ZFYVE28: variants seen among roughly 807,000 people sequenced by gnomAD.
ZFYVE28 encodes the protein zinc finger FYVE-type containing 28, also known as lateral signaling target protein 2 homolog.
A neutral mutation model predicts 82.1 loss-of-function variants in ZFYVE28; 40 were observed. That is an observed-to-expected ratio of 0.49 (90% CI 0.38 to 0.63). The LOEUF (loss-of-function observed/expected upper bound fraction) is 0.63. Ranked by LOEUF, ZFYVE28 falls within the 30% of genes least tolerant of loss-of-function variation. ZFYVE28 has a pLI of 0.00. For synonymous variants in ZFYVE28, 612 were observed against 546.1 expected (o/e 1.12, Z -1.68); for missense variants, 1,321 against 1,242.1 (o/e 1.06, Z -0.96).
chr4:2,373,160 T>G (rs1054573223), intron 1 of ZFYVE28, among the ~76,000 whole-genome samples: 1 of 152,200 alleles, frequency 6.6e-6, no homozygotes, highest in Non-Finnish European at 1.5e-5. Flanking sequence ...CCATGTCTGA[T>G]AGGGCCTGTG....
intron 8 of ZFYVE28, chr4:2,286,140 CAGCGGCCAGAGA>C (rs925604978): frequency 2.0e-5 from 3 of 152,686 alleles, no homozygotes; most frequent in African/African-American, 7.2e-5. Context: ...AGCATGGGGT[CAGCGGCCAGAGA>C]AGCGGCGAGA....
In ZFYVE28 at chr4:2,417,715, A is replaced by G. The variant is rs1481069139; in HGVS notation, c.39+570T>C. Among the ~76,000 whole-genome samples, 2 of 151,900 alleles carry G rather than the reference A, an allele frequency of 1.3e-5. No homozygotes were observed. Among genetic ancestry groups the G allele is most frequent in the Admixed American group, 1.3e-4 (2 of 15,282 alleles). On this transcript the variant is annotated intron_variant, in intron 1 of 12. Transcript: ENST00000290974. This position sits in a 1 kb window ranked among gnomAD's most constrained non-coding sequence, Gnocchi z 4.8. Reference sequence around the variant, plus strand: ...AGGGCCATCAGGATCCTCTCTGGACATGGAAGGACGGGTCTGCCCTGGACC... The same window carrying G: ...AGGGCCATCAGGATCCTCTCTGGACGTGGAAGGACGGGTCTGCCCTGGACC...
chr4:2,297,972 CA>C (rs1714885917), intron 8 of ZFYVE28, among the ~76,000 whole-genome samples: 1 of 142,710 alleles, frequency 7.0e-6, no homozygotes, highest in Admixed American at 7.0e-5. Context: ...GACACGGTGA[CA>C]CAGTGACACG....
intron 8 of ZFYVE28, among the ~76,000 whole-genome samples, chr4:2,289,551 CA>C (rs1358029744): frequency 1.3e-5 from 2 of 152,160 alleles, no homozygotes; most frequent in African/African-American, 4.8e-5. Context: ...GAGGGTCAGG[CA>C]GGGGGTGGGC....
Position 2,304,365 on chromosome 4 carries a change from G to C in ZFYVE28, c.1975C>G (p.Gln659Glu). The C allele has an allele frequency of 6.2e-7, 1 of 1,610,546 alleles. No individual in the cohort carries two copies. Among genetic ancestry groups the C allele is most frequent in the Non-Finnish European group, 8.5e-7 (1 of 1,179,954 alleles). Residue 659 changes from glutamine (Q) to glutamate (E), a missense_variant, in exon 8 of 13, where the codon CAG (glutamine) becomes GAG (glutamate). This residue lies in a region of ZFYVE28 where 978 missense variants were observed against 833.7 expected (regional missense o/e 1.17). Transcript: ENST00000290974. ...TGCAGCTCTCTGGCCTCTGGCTCCT[G>C]CTGACCTGCAACCCCAGCCTCTCCT... ...LQGEAGVAGQ[Q>E]EPEARELHAG...
intron 1 of ZFYVE28, among the ~76,000 whole-genome samples, chr4:2,413,166 C>A (rs940722970): frequency 5.9e-5 from 9 of 152,216 alleles, no homozygotes; most frequent in Non-Finnish European, 1.0e-4. Context: ...AGGTCCCACA[C>A]TCCCCCAACC....
Position 2,304,502 on chromosome 4 carries a change from G to C in ZFYVE28, c.1838C>G (p.Ala613Gly). ...GGAGGCATCTTCTGAGGGTGGGGGC[G>C]CCTCCTCCTGTCTCTCAGGGGCCCT... ...SDRAPERQEEAPPPSEDASNG... is the reference protein window; with the variant it reads ...SDRAPERQEEGPPPSEDASNG... The change falls in exon 8 of 13, where the codon GCG becomes GGG. Residue 613 changes from alanine (A) to glycine (G), a missense_variant. By Grantham distance (60) the Ala-to-Gly change is moderately conservative (BLOSUM62 0). Around this residue, in one of 2 missense-constraint regions of ZFYVE28, gnomAD observed 978 missense variants for 833.7 expected, o/e 1.17. Transcript: ENST00000290974. The C allele has an allele frequency of 6.2e-7, 1 of 1,612,470 alleles. No homozygotes were observed. Among genetic ancestry groups the C allele is most frequent in the Non-Finnish European group, 8.5e-7 (1 of 1,179,482 alleles).
chr4:2,356,221 C>G (rs552301631), intron 1 of ZFYVE28, among the ~76,000 whole-genome samples: 9 of 152,188 alleles, frequency 5.9e-5, no homozygotes, highest in Admixed American at 5.9e-4. Context: ...TGGGCTCCAG[C>G]GACGGCTGCA....
intron 5 of ZFYVE28, among the ~76,000 whole-genome samples, chr4:2,336,565 C>CT (rs1236605630): frequency 6.6e-6 from 1 of 152,040 alleles, no homozygotes; most frequent in African/African-American, 2.4e-5. Context: ...TCCCCCTGCC[C>CT]CCCCCACTCC....
At chr4:2,346,341 C>CAAAAA (rs533714412) in intron 2 of ZFYVE28, among the ~76,000 whole-genome samples, 6 of 98,054 alleles carry the variant, frequency 6.1e-5, no homozygotes, top group Non-Finnish European at 8.2e-5. Context: ...GACTCCATCT[C>CAAAAA]AAAAAAAAAA....
At chr4:2,405,104 A>G (rs1241150694) in intron 1 of ZFYVE28, among the ~76,000 whole-genome samples, 1 of 152,186 alleles carries the variant, frequency 6.6e-6, no homozygotes, top group Non-Finnish European at 1.5e-5. Context: ...CTCATCCACA[A>G]GCCGAATTTG....
At chr4:2,297,057 A>G (rs570254846) in intron 8 of ZFYVE28, among the ~76,000 whole-genome samples, 6 of 152,190 alleles carry the variant, frequency 3.9e-5, no homozygotes, top group African/African-American at 1.4e-4. Flanking sequence ...GGGGCTGAAC[A>G]CCTGTCTGCT....
In ZFYVE28 at chr4:2,273,303, G is replaced by T; in HGVS notation, c.2207-14C>A. 6.2e-7 allele frequency: 1 copy of T among 1,606,090 alleles called. No individual in the cohort carries two copies. The highest frequency in any genetic ancestry group is 8.5e-7 in the Non-Finnish European group (1 of 1,176,872). On this transcript the variant is annotated splice_polypyrimidine_tract_variant and intron_variant, in intron 9 of 12. Coordinates refer to ENST00000290974, the MANE Select transcript of ZFYVE28 (RefSeq NM_020972.3). ...GGTCAGCCACACCTGAGGAAGGAAGGCCACAGTAACCACGACAGAAGGACG... is the reference window on the plus strand; with the variant it reads ...GGTCAGCCACACCTGAGGAAGGAAGTCCACAGTAACCACGACAGAAGGACG...
intron 8 of ZFYVE28, among the ~76,000 whole-genome samples, chr4:2,302,021 C>G (rs759801559): frequency 1.3e-5 from 2 of 152,226 alleles, no homozygotes; most frequent in Non-Finnish European, 2.9e-5. Context: ...AGGCCCTGCC[C>G]CGCAGTGAAG....
intron 6 of ZFYVE28, chr4:2,331,048 G>A: frequency 6.7e-7 from 1 of 1,490,492 alleles, no homozygotes; most frequent in Non-Finnish European, 8.9e-7. Context: ...GAAGGAGGGG[G>A]CTGGGGAGGA....
At chr4:2,293,996 C>T (rs1420889701) in intron 8 of ZFYVE28, among the ~76,000 whole-genome samples, 4 of 151,044 alleles carry the variant, frequency 2.6e-5, no homozygotes, top group African/African-American at 9.7e-5. Context: ...GTTTATGAAC[C>T]AGAACTATTA....
Position 2,273,202 on chromosome 4 carries a change from T to C in ZFYVE28, c.2294A>G (p.Glu765Gly), listed in dbSNP as rs1240419799. 5 of 1,613,830 alleles carry C rather than the reference T, an allele frequency of 3.1e-6. No homozygotes were observed. Among genetic ancestry groups the C allele is most frequent in the East Asian group, 4.5e-5 (2 of 44,896 alleles). Residue 765 changes from glutamate (E) to glycine (G), a missense_variant, in exon 10 of 13, where the codon GAA (glutamate) becomes GGA (glycine). Physicochemically the swap from Glu to Gly is moderately conservative, Grantham distance 98 (BLOSUM62 -2). Around this residue, in one of 2 missense-constraint regions of ZFYVE28, gnomAD observed 978 missense variants for 833.7 expected, o/e 1.17. Coordinates refer to ENST00000290974, the MANE Select transcript of ZFYVE28 (RefSeq NM_020972.3). ...TLFEVMATKPETDDKEKLRKV... is the reference protein window; with the variant it reads ...TLFEVMATKPGTDDKEKLRKV... Reference sequence around the variant, plus strand: ...CCTTAACTTTTCCTTGTCGTCTGTTTCAGGCTTGGTGGCCATGACCTCAAA... The same window carrying C: ...CCTTAACTTTTCCTTGTCGTCTGTTCCAGGCTTGGTGGCCATGACCTCAAA...
intron 8 of ZFYVE28, among the ~76,000 whole-genome samples, chr4:2,299,969 T>A (rs1339848104): frequency 6.6e-6 from 1 of 152,002 alleles, no homozygotes; most frequent in Non-Finnish European, 1.5e-5. Context: ...GCTAATTTAC[T>A]TTTACTTTTC....
intron 8 of ZFYVE28, among the ~76,000 whole-genome samples, chr4:2,292,366 C>T (rs1713858413): frequency 6.6e-6 from 1 of 152,132 alleles, no homozygotes; most frequent in African/African-American, 2.4e-5. Context: ...AGGGAGGCCA[C>T]AGCATAGGGC....
Sources: allele counts gnomAD v4.1 joint callset (sites outside exome capture counted in the v4.1 genomes callset), GRCh38; gene constraint gnomAD v4.1.1; regional missense constraint gnomAD v4.1.1; non-coding constraint Gnocchi (gnomAD v3.1); transcripts MANE v1.5; gene names NCBI Gene and HGNC (gene_info 2026-07-23, HGNC 2026-07-21).